Variants in SEMA6D observed in about 807,000 individuals in gnomAD.
The protein encoded by SEMA6D is semaphorin-6D.
A neutral mutation model predicts 106.6 loss-of-function variants in SEMA6D; 35 were observed. The ratio of observed to expected loss-of-function variants is 0.33; its 90% CI spans 0.25 to 0.44. SEMA6D has a LOEUF of 0.44. Among genes scored for constraint, SEMA6D ranks in the 20% least tolerant of loss-of-function variants. The pLI is 1.00. For missense variants in SEMA6D, 1,185 were observed against 1,345.9 expected (o/e 0.88, Z 1.87); for synonymous variants, 499 against 487.7 (o/e 1.02, Z -0.31).
chr15:47,588,347 C>A (rs1173967091), intron 3 of SEMA6D, among the ~76,000 whole-genome samples: 1 of 152,172 alleles, frequency 6.6e-6, no homozygotes, highest in Non-Finnish European at 1.5e-5. Context: ...TGTTCTGCCC[C>A]TATCTTTTAG....
intron 1 of SEMA6D, among the ~76,000 whole-genome samples, chr15:47,296,641 T>C (rs891476705): frequency 6.6e-6 from 1 of 152,232 alleles, no homozygotes; most frequent in African/African-American, 2.4e-5. Flanking sequence ...AACTGGGGAT[T>C]CCTTCAGAAA....
intron 1 of SEMA6D, among the ~76,000 whole-genome samples, chr15:47,196,100 C>G (rs1278918590): frequency 6.6e-6 from 1 of 151,888 alleles, no homozygotes; most frequent in African/African-American, 2.4e-5. Flanking sequence ...GCATAGCCCA[C>G]ACGTTGTAGG....
chr15:47,195,910 G>A (rs558642267), intron 1 of SEMA6D, among the ~76,000 whole-genome samples: 5 of 142,746 alleles, frequency 3.5e-5, no homozygotes, highest in Admixed American at 1.4e-4. Flanking sequence ...ACGTGGGTGA[G>A]CGTGTGGATG....
chr15:47,761,262 G>A (rs780507902), intron 5 of SEMA6D, 42 bp downstream of exon 5: 3 of 1,612,488 alleles, frequency 1.9e-6, no homozygotes, highest in African/African-American at 2.7e-5. Flanking sequence ...TAGTCTTTCT[G>A]TGGGCTTGAT....
At chr15:47,343,714 CAT>C (rs1384353157) in intron 1 of SEMA6D, among the ~76,000 whole-genome samples, 2 of 152,092 alleles carry the variant, frequency 1.3e-5, no homozygotes, top group Non-Finnish European at 2.9e-5. Flanking sequence ...CCGCAATAAA[CAT>C]ACGTGTGTGT....
chr15:47,583,070 A>G (rs554469017), intron 3 of SEMA6D, among the ~76,000 whole-genome samples: 4 of 152,304 alleles, frequency 2.6e-5, no homozygotes, highest in East Asian at 3.9e-4. Flanking sequence ...GAATTAATCT[A>G]TGAATAAGAA....
chr15:47,387,141 A>C (rs2039867612), intron 1 of SEMA6D, among the ~76,000 whole-genome samples: 1 of 152,240 alleles, frequency 6.6e-6, no homozygotes. Context: ...CTAGGACACC[A>C]AAAATCCTTT....
intron 1 of SEMA6D, among the ~76,000 whole-genome samples, chr15:47,191,183 A>G (rs1893938000): frequency 6.6e-6 from 1 of 151,032 alleles, no homozygotes; most frequent in South Asian, 2.1e-4. Context: ...CAAAACATAT[A>G]TATATATATA....
chr15:47,506,599 A>C lies in SEMA6D; in HGVS notation c.-87+36054A>C, dbSNP rs60103248. ...CTACATGGGCATTTACACACACACA[A>C]ACACACACACACACACACACACACA... On this transcript the variant is annotated intron_variant, in intron 3 of 19. Coordinates refer to the SEMA6D transcript ENST00000558014. 3.0e-3 allele frequency among the ~76,000 whole-genome samples: 410 copies of C among 137,860 alleles called. 3 individuals carry two copies. The highest frequency in any genetic ancestry group is 8.8e-3 in the African/African-American group (315 of 35,898). The allele number at this position is 137,860 out of a possible 152,430, so 90.4% of individuals were successfully genotyped here. A position where few individuals can be genotyped will look rare whatever the true frequency, so the allele number is the denominator to read the frequency against.
At chr15:47,642,373 C>A (rs1566954462) in intron 4 of SEMA6D, among the ~76,000 whole-genome samples, 1 of 152,080 alleles carries the variant, frequency 6.6e-6, no homozygotes, top group Non-Finnish European at 1.5e-5. Context: ...TCAGACTCTA[C>A]GTGATTTTTT....
intron 3 of SEMA6D, among the ~76,000 whole-genome samples, chr15:47,521,252 G>T (rs80057213): frequency 6.6e-6 from 1 of 152,172 alleles, no homozygotes; most frequent in African/African-American, 2.4e-5. Flanking sequence ...AGTTGCTGGA[G>T]GGGCAGCGGT....
chr15:47,201,809 C>T (rs923190802), intron 1 of SEMA6D, among the ~76,000 whole-genome samples: 7 of 152,098 alleles, frequency 4.6e-5, no homozygotes, highest in Non-Finnish European at 1.0e-4. Context: ...TTGGTCAGAC[C>T]ACCAGTTGGT....
chr15:47,197,883 A>G (rs1894469156), intron 1 of SEMA6D, among the ~76,000 whole-genome samples: 2 of 152,118 alleles, frequency 1.3e-5, no homozygotes, highest in South Asian at 4.1e-4. Flanking sequence ...TTTTCAAAAT[A>G]CAAATTTCTT....
chr15:47,725,600 T>A (rs2079693855), intron 1 of SEMA6D, among the ~76,000 whole-genome samples: 1 of 151,648 alleles, frequency 6.6e-6, no homozygotes. Flanking sequence ...TCACCCAAGA[T>A]AACCTGTTTA....
intron 3 of SEMA6D, among the ~76,000 whole-genome samples, chr15:47,539,460 C>T (rs2045287629): frequency 6.6e-6 from 1 of 151,648 alleles, no homozygotes. Context: ...CAGTCTTGCT[C>T]TGTCTCCAGG....
chr15:47,446,445 A>G (rs554408936), intron 2 of SEMA6D, among the ~76,000 whole-genome samples: 1 of 152,218 alleles, frequency 6.6e-6, no homozygotes, highest in East Asian at 1.9e-4. Flanking sequence ...TATATAGAGA[A>G]ATTATGCATA....
At chr15:47,722,674 G>A (rs1014791535) in intron 1 of SEMA6D, among the ~76,000 whole-genome samples, 3 of 152,134 alleles carry the variant, frequency 2.0e-5, no homozygotes, top group Non-Finnish European at 2.9e-5. Flanking sequence ...GTGTGAGTTA[G>A]CATGTAGTCT....
chr15:47,740,022 C>T (rs2146989524), intron 1 of SEMA6D, among the ~76,000 whole-genome samples: 1 of 152,246 alleles, frequency 6.6e-6, no homozygotes, highest in Admixed American at 6.5e-5. Context: ...TTTCCAAGAT[C>T]ACAAAGCTAG....
At chr15:47,321,504 A>G (rs2036921090) in intron 1 of SEMA6D, among the ~76,000 whole-genome samples, 2 of 151,006 alleles carry the variant, frequency 1.3e-5, no homozygotes, top group African/African-American at 4.8e-5. Context: ...TTTAATTTCC[A>G]TGAAGAAATG....
Sources: gnomAD v4.1 joint callset for allele counts (sites outside exome capture counted in the v4.1 genomes callset) on GRCh38, gnomAD v4.1.1 for gene constraint, MANE v1.5 for transcripts, NCBI Gene and HGNC (gene_info 2026-07-23, HGNC 2026-07-21) for gene names.